The following NKAIN2 variants were observed in gnomAD, a reference collection of about 807,000 sequenced individuals.
NKAIN2 encodes the protein sodium/potassium transporting ATPase interacting 2.
NKAIN2 carries 14 observed loss-of-function variants against 32.6 expected under a neutral mutation model. The ratio of observed to expected loss-of-function variants is 0.43; its 90% CI spans 0.28 to 0.67. The LOEUF is 0.67. Among genes scored for constraint, NKAIN2 ranks in the 30% least tolerant of loss-of-function variants. The probability of loss-of-function intolerance (pLI) is 0.17; values close to 1 mark genes in which losing one functional copy is unlikely to be tolerated. For synonymous variants in NKAIN2, 80 were observed against 87.2 expected (o/e 0.92, Z 0.46); for missense variants, 198 against 258.3 (o/e 0.77, Z 1.60).
intron 4 of NKAIN2, among the ~76,000 whole-genome samples, chr6:124,664,814 AAAAAAAAAAAAAAAAAAT>A (rs1772700450): frequency 6.8e-6 from 1 of 147,722 alleles, no homozygotes; most frequent in African/African-American, 2.5e-5. Flanking sequence ...AAAAAAAAAA[AAAAAAAAAAAAAAAAAAT>A]TTCAAGTTAA....
chr6:124,141,916 C>T (rs1340345697), intron 1 of NKAIN2, among the ~76,000 whole-genome samples: 1 of 152,120 alleles, frequency 6.6e-6, no homozygotes, highest in African/African-American at 2.4e-5. Context: ...AGCTTTTCTC[C>T]CTGTTGTTCA....
intron 1 of NKAIN2, among the ~76,000 whole-genome samples, chr6:123,851,702 C>T (rs950079462): frequency 3.3e-5 from 5 of 152,014 alleles, no homozygotes; most frequent in Non-Finnish European, 5.9e-5. Context: ...TTAGTGATGT[C>T]GAGCTTTTTA....
chr6:124,152,668 T>A (rs145670557), intron 1 of NKAIN2, among the ~76,000 whole-genome samples: 10 of 152,050 alleles, frequency 6.6e-5, no homozygotes, highest in African/African-American at 1.9e-4. Context: ...TAGGTATATA[T>A]CCACAAGAAC....
intron 2 of NKAIN2, among the ~76,000 whole-genome samples, chr6:124,307,270 A>T (rs1252557490): frequency 1.3e-5 from 2 of 152,178 alleles, no homozygotes; most frequent in Non-Finnish European, 2.9e-5. Context: ...TTCACTAGTA[A>T]AATGTTCTGG....
intron 1 of NKAIN2, among the ~76,000 whole-genome samples, chr6:124,037,546 C>A (rs1297930390): frequency 6.6e-6 from 1 of 152,022 alleles, no homozygotes; most frequent in African/African-American, 2.4e-5. Context: ...AAAATTCTAA[C>A]AAATTAAATT....
At chr6:123,855,670 GA>G (rs1775530881) in intron 1 of NKAIN2, among the ~76,000 whole-genome samples, 1 of 152,214 alleles carries the variant, frequency 6.6e-6, no homozygotes, top group South Asian at 2.1e-4. Context: ...TAATGGAAAT[GA>G]GACAGATATG....
intron 3 of NKAIN2, among the ~76,000 whole-genome samples, chr6:124,444,838 A>G (rs1251573825): frequency 6.6e-6 from 1 of 152,022 alleles, no homozygotes; most frequent in Non-Finnish European, 1.5e-5. Context: ...AAGAAATTGA[A>G]TTTTAAGAAA....
intron 3 of NKAIN2, among the ~76,000 whole-genome samples, chr6:124,577,618 AAGGCAGTGT>A (rs2114932274): frequency 6.6e-6 from 1 of 152,264 alleles, no homozygotes; most frequent in African/African-American, 2.4e-5. Context: ...ATAAACTTGA[AAGGCAGTGT>A]AGGCCACAAG....
chr6:123,923,562 C>T (rs1483350837), intron 1 of NKAIN2, among the ~76,000 whole-genome samples: 1 of 151,496 alleles, frequency 6.6e-6, no homozygotes, highest in Non-Finnish European at 1.5e-5. Flanking sequence ...CAATGATAGA[C>T]TGGATTAAGA....
intron 1 of NKAIN2, among the ~76,000 whole-genome samples, chr6:124,174,434 ATTAG>A (rs1319103035): frequency 2.0e-5 from 3 of 152,310 alleles, no homozygotes; most frequent in South Asian, 2.1e-4. Flanking sequence ...CCTTGCAGAA[ATTAG>A]TTAGGGCAGC....
At chr6:123,936,086 G>T (rs1400318987) in intron 1 of NKAIN2, among the ~76,000 whole-genome samples, 1 of 152,024 alleles carries the variant, frequency 6.6e-6, no homozygotes, top group Non-Finnish European at 1.5e-5. Context: ...AAAAAAATAT[G>T]GGCACTAAAA....
In NKAIN2 at chr6:123,885,336, C is replaced by T. The variant is rs150373207; in HGVS notation, c.54+81082C>T. On this transcript the variant is annotated intron_variant, in intron 1 of 6. Coordinates refer to ENST00000368417, the MANE Select transcript of NKAIN2 (RefSeq NM_001040214.3). ...TTAGCAGCTCCAAGACTTTGACATC[C>T]TACAGTTTTGATCTTTATCTCTTAT... Among the ~76,000 whole-genome samples the T allele has an allele frequency of 2.5e-3, 377 of 152,206 alleles. 1 individual carries two copies. The highest frequency in any genetic ancestry group is 8.6e-3 in the African/African-American group (359 of 41,546).
chr6:124,552,772 T>C (rs1261388209), intron 3 of NKAIN2, among the ~76,000 whole-genome samples: 2 of 152,200 alleles, frequency 1.3e-5, no homozygotes, highest in Admixed American at 6.5e-5. Flanking sequence ...ATCACTCAGT[T>C]CCCAGTCTAC....
At chr6:124,428,396 A>G (rs1205970403) in intron 3 of NKAIN2, among the ~76,000 whole-genome samples, 3 of 152,146 alleles carry the variant, frequency 2.0e-5, no homozygotes, top group Admixed American at 2.0e-4. Flanking sequence ...CTGAGATGCC[A>G]TATCTGAGAG....
chr6:124,078,274 C>T (rs1783791070), intron 1 of NKAIN2, among the ~76,000 whole-genome samples: 1 of 151,898 alleles, frequency 6.6e-6, no homozygotes, highest in Non-Finnish European at 1.5e-5. Flanking sequence ...TGTTGCTTTT[C>T]ATCAAGATTT....
At chr6:123,819,671 C>G (rs1773843926) in intron 1 of NKAIN2, among the ~76,000 whole-genome samples, 1 of 152,116 alleles carries the variant, frequency 6.6e-6, no homozygotes, top group Non-Finnish European at 1.5e-5. Context: ...TCTGGACATG[C>G]CCTTGGAGAT....
intron 2 of NKAIN2, among the ~76,000 whole-genome samples, chr6:124,333,340 C>A (rs1408209036): frequency 6.6e-6 from 1 of 152,050 alleles, no homozygotes; most frequent in East Asian, 1.9e-4. Context: ...ATCATTCTGC[C>A]TACCACACTT....
intron 4 of NKAIN2, among the ~76,000 whole-genome samples, chr6:124,672,582 A>T (rs530447994): frequency 6.6e-6 from 1 of 152,254 alleles, no homozygotes. Flanking sequence ...TCATAAAAAG[A>T]AAAGTCAGTT....
chr6:123,938,438 ATATATATATATAT>A (rs2114544151), intron 1 of NKAIN2, among the ~76,000 whole-genome samples: 1 of 96,072 alleles, frequency 1.0e-5, no homozygotes. Flanking sequence ...ATATATATAT[ATATATATATATAT>A]ACACACACAC....
Sources: gnomAD v4.1 joint callset for allele counts (sites outside exome capture counted in the v4.1 genomes callset) on GRCh38, gnomAD v4.1.1 for gene constraint, MANE v1.5 for transcripts, NCBI Gene and HGNC (gene_info 2026-07-23, HGNC 2026-07-21) for gene names.